ZNF827: variants seen among roughly 807,000 people sequenced by gnomAD.
ZNF827 encodes the protein zinc finger protein 827.
ZNF827 carries 13 observed loss-of-function variants against 102.4 expected under a neutral mutation model. That is an observed-to-expected ratio of 0.13 (90% CI 0.08 to 0.20). ZNF827 has a LOEUF of 0.20. Ranked by LOEUF, ZNF827 falls within the 10% of genes least tolerant of loss-of-function variation. The probability of loss-of-function intolerance (pLI) is 1.00; values close to 1 mark genes in which losing one functional copy is unlikely to be tolerated. For missense variants in ZNF827, 1,103 were observed against 1,344.4 expected (o/e 0.82, Z 2.81); for synonymous variants, 523 against 536.2 (o/e 0.98, Z 0.34).
chr4:145,886,098 A>C lies in ZNF827; in HGVS notation c.1327T>G (p.Ser443Ala), dbSNP rs377292708. Residue 443 changes from serine to alanine, a missense_variant, in exon 4 of 15, where the codon TCA (serine) becomes GCA (alanine). Ser to Ala is a moderately conservative substitution (Grantham distance 99). Coordinates refer to ENST00000508784, the MANE Select transcript of ZNF827 (RefSeq NM_001306215.2). ...TGGAGTTTCAGGCTGAAGTGGCGTG[A>C]GGAAGTAAAAGGGCACAGCTGGCAC... ...FQCQLCPFTS[S>A]RHFSLKLHMR... 9.9e-6 allele frequency: 16 copies of C among 1,613,474 alleles called. No homozygotes were observed. Among genetic ancestry groups the C allele is most frequent in the Non-Finnish European group, 1.4e-5 (16 of 1,179,736 alleles).
At chr4:145,934,928 A>G (rs568598304) in intron 1 of ZNF827, among the ~76,000 whole-genome samples, 1 of 152,298 alleles carries the variant, frequency 6.6e-6, no homozygotes, top group East Asian at 1.9e-4. Context: ...CACTTCTTAA[A>G]TGTGTTCACA....
At chr4:145,893,418 T>C (rs1178116094) in intron 2 of ZNF827, among the ~76,000 whole-genome samples, 2 of 152,236 alleles carry the variant, frequency 1.3e-5, no homozygotes, top group African/African-American at 2.4e-5. Flanking sequence ...ACTTAGCATA[T>C]GTGCCCACAA....
chr4:145,773,682 C>T (rs1430972964), intron 11 of ZNF827, among the ~76,000 whole-genome samples: 2 of 152,202 alleles, frequency 1.3e-5, no homozygotes, highest in Non-Finnish European at 2.9e-5. Context: ...AAGAAGTTAA[C>T]CAGAATGGCA....
intron 1 of ZNF827, among the ~76,000 whole-genome samples, chr4:145,937,097 C>G (rs1259548892): frequency 6.6e-6 from 1 of 152,118 alleles, no homozygotes; most frequent in African/African-American, 2.4e-5. Context: ...TCACTTTTAG[C>G]TTTAGCAGCA....
intron 1 of ZNF827, among the ~76,000 whole-genome samples, chr4:145,913,036 T>A (rs1752399659): frequency 6.6e-6 from 1 of 152,148 alleles, no homozygotes; most frequent in Admixed American, 6.5e-5. Context: ...ACATTGCTGA[T>A]CAGTGTTAAG....
chr4:145,821,509 T>G (rs1056203849), intron 8 of ZNF827, among the ~76,000 whole-genome samples: 2 of 152,224 alleles, frequency 1.3e-5, no homozygotes, highest in African/African-American at 4.8e-5. Flanking sequence ...TTTTAAATTT[T>G]TTTCTAATTT....
rs62345780 is a variant in ZNF827, at chr4:145,761,181, G to A, written c.*435C>T. 61,042 of 1,289,810 alleles carry A rather than the reference G, an allele frequency of 0.047. 1,594 individuals are homozygous for A. The highest frequency in any genetic ancestry group is 0.081 in the Admixed American group (3,551 of 43,572). 79.9% of individuals were successfully genotyped at this position (1,289,810 alleles called of 1,614,324 possible). A position where few individuals can be genotyped will look rare whatever the true frequency, so the allele number is the denominator to read the frequency against. ...GACACAGGCCCTTCTTGTCCTCCTC[G>A]GGGCAGTCCCCACTCTGGTGCTTCT... On this transcript the variant is annotated 3_prime_UTR_variant, in exon 15 of 15. Transcript: ENST00000508784. This position sits in a 1 kb window ranked among gnomAD's most constrained non-coding sequence, Gnocchi z 6.8.
intron 8 of ZNF827, among the ~76,000 whole-genome samples, chr4:145,795,128 G>A (rs1740244276): frequency 6.6e-6 from 1 of 152,100 alleles, no homozygotes; most frequent in African/African-American, 2.4e-5. Context: ...GGGGCAAGAT[G>A]TTATGTGTTT....
At chr4:145,787,444 AGAGT>A (rs1739032430) in intron 8 of ZNF827, among the ~76,000 whole-genome samples, 1 of 148,806 alleles carries the variant, frequency 6.7e-6, no homozygotes, top group South Asian at 2.2e-4. Context: ...CCCGGGTGAC[AGAGT>A]GAGACTCCGT....
chr4:145,783,648 T>TG lies in ZNF827; in HGVS notation c.2384-4138dup, dbSNP rs113975701. On this transcript the variant is annotated intron_variant, in intron 8 of 14. Coordinates refer to ENST00000508784, the MANE Select transcript of ZNF827 (RefSeq NM_001306215.2). ...CTTGGGTAGCCATGTGCCAAAGTTC[T>TG]GAGAAGGCTTTTGCTTTTCTGTTAA... 1.2e-3 allele frequency among the ~76,000 whole-genome samples: 178 copies of TG among 152,384 alleles called. 1 individual carries two copies. The highest frequency in any genetic ancestry group is 4.1e-3 in the African/African-American group (169 of 41,606).
At chr4:145,771,081 C>T (rs1264610920) in intron 11 of ZNF827, 4 of 152,144 alleles carry the variant, frequency 2.6e-5, no homozygotes, top group African/African-American at 7.2e-5. Flanking sequence ...TGCTCATGTC[C>T]TCATATCCTT....
intron 5 of ZNF827, among the ~76,000 whole-genome samples, chr4:145,861,569 G>A (rs1561011212): frequency 6.6e-6 from 1 of 152,228 alleles, no homozygotes; most frequent in Non-Finnish European, 1.5e-5. Context: ...GGTAACATCT[G>A]TAGTCATTTA....
chr4:145,867,959 A>G (rs1319393965), intron 5 of ZNF827, among the ~76,000 whole-genome samples: 1 of 152,190 alleles, frequency 6.6e-6, no homozygotes, highest in Non-Finnish European at 1.5e-5. Flanking sequence ...TTAGGGCATG[A>G]ACTATGAAAT....
At chr4:145,873,127 G>T (rs1191733825) in intron 4 of ZNF827, among the ~76,000 whole-genome samples, 1 of 151,644 alleles carries the variant, frequency 6.6e-6, no homozygotes, top group Admixed American at 6.6e-5. Flanking sequence ...AGTAGAGATG[G>T]GGTTTCACCA....
At chr4:145,857,512 ATGT>A (rs754927483) in intron 5 of ZNF827, among the ~76,000 whole-genome samples, 2 of 152,206 alleles carry the variant, frequency 1.3e-5, no homozygotes, top group Non-Finnish European at 2.9e-5. Flanking sequence ...ATATCTGCAA[ATGT>A]TGTCAGACTG....
chr4:145,840,060 C>A (rs1016433369), intron 7 of ZNF827, among the ~76,000 whole-genome samples: 2 of 152,166 alleles, frequency 1.3e-5, no homozygotes, highest in African/African-American at 4.8e-5. Context: ...GAACAAAGTA[C>A]TGAGAAAGGG....
Position 145,761,620 on chromosome 4 carries a change from G to A in ZNF827, c.*18-22C>T. 16 of 1,227,558 alleles carry A rather than the reference G, an allele frequency of 1.3e-5. No individual in the cohort carries two copies. Among genetic ancestry groups the A allele is most frequent in the Non-Finnish European group, 1.7e-5 (16 of 949,010 alleles). The allele number at this position is 1,227,558 out of a possible 1,614,324, so 76.0% of individuals were successfully genotyped here. A position where few individuals can be genotyped will look rare whatever the true frequency, so the allele number is the denominator to read the frequency against. On this transcript the variant is annotated intron_variant, in intron 14 of 14. Transcript: ENST00000508784. This position sits in a 1 kb window ranked among gnomAD's most constrained non-coding sequence, Gnocchi z 6.8. The stretch of plus-strand genomic sequence containing the variant: ...GCACCTGCCGGGGAAAGCAACGCAA[G>A]GGAGGTTCAGCCGGGAAGGTTCGGA...
chr4:145,782,052 G>A (rs544668547), intron 8 of ZNF827, among the ~76,000 whole-genome samples: 3 of 152,326 alleles, frequency 2.0e-5, no homozygotes, highest in Admixed American at 1.3e-4. Context: ...AAGAATCCCC[G>A]GAGTCGCAGT....
At chr4:145,907,378 G>T (rs1426422735) in intron 1 of ZNF827, 2 of 360,120 alleles carry the variant, frequency 5.6e-6, no homozygotes, top group Non-Finnish European at 1.1e-5. Context: ...GTGAGAAAAA[G>T]TTCTCTCATT....
Sources: allele counts gnomAD v4.1 joint callset (sites outside exome capture counted in the v4.1 genomes callset), GRCh38; gene constraint gnomAD v4.1.1; non-coding constraint Gnocchi (gnomAD v3.1); transcripts MANE v1.5; gene names NCBI Gene and HGNC (gene_info 2026-07-23, HGNC 2026-07-21).